Variants in ST6GAL1 observed in about 807,000 individuals in gnomAD.
ST6GAL1 encodes the protein ST6 beta-galactoside alpha-2,6-sialyltransferase 1, also known as beta-galactoside alpha-2,6-sialyltransferase 1.
In ST6GAL1, 20 loss-of-function variants were observed where a neutral mutation model predicts 38.0. The observed-to-expected ratio is 0.53, with a 90% CI of 0.37 to 0.77. The LOEUF is 0.77. Among genes scored for constraint, ST6GAL1 ranks in the 30% least tolerant of loss-of-function variants. ST6GAL1 has a pLI of 0.00. For missense variants in ST6GAL1, 432 were observed against 496.4 expected (o/e 0.87, Z 1.23); for synonymous variants, 196 against 188.2 (o/e 1.04, Z -0.34).
intron 1 of ST6GAL1, among the ~76,000 whole-genome samples, chr3:186,946,496 C>T (rs982835725): frequency 1.2e-4 from 18 of 152,192 alleles, no homozygotes; most frequent in Middle Eastern, 3.4e-3. Flanking sequence ...ATCCTCCCGC[C>T]GGCCTCCGAA....
At chr3:187,032,789 GT>G (rs1395296033) in intron 2 of ST6GAL1, among the ~76,000 whole-genome samples, 2 of 152,178 alleles carry the variant, frequency 1.3e-5, no homozygotes, top group African/African-American at 4.8e-5. Flanking sequence ...AGCCCCAAAT[GT>G]TTTGACACAG....
intron 2 of ST6GAL1, among the ~76,000 whole-genome samples, chr3:186,990,738 G>A (rs1332981081): frequency 2.7e-5 from 4 of 150,108 alleles, no homozygotes; most frequent in Admixed American, 6.6e-5. Flanking sequence ...GCTTGAACCC[G>A]GGAGGCAGAG....
intron 2 of ST6GAL1, among the ~76,000 whole-genome samples, chr3:187,017,032 T>C (rs866995012): frequency 3.3e-5 from 5 of 152,212 alleles, no homozygotes; most frequent in Non-Finnish European, 7.3e-5. Context: ...ACAGAGTTGA[T>C]GACAGTGTAG....
Position 187,026,510 on chromosome 3 carries a change from C to T in ST6GAL1, c.-182-12232C>T, listed in dbSNP as rs139409753. On this transcript the variant is annotated intron_variant, in intron 2 of 7. Coordinates refer to ENST00000169298, the MANE Select transcript of ST6GAL1 (RefSeq NM_173216.2). Reference sequence around the variant, plus strand: ...AAAATCTATCATTAAATTGTCAGCACAGCCCTGCAGAGGCAACCTTTTAAG... The same window carrying T: ...AAAATCTATCATTAAATTGTCAGCATAGCCCTGCAGAGGCAACCTTTTAAG... Among the ~76,000 whole-genome samples the T allele has an allele frequency of 3.1e-3, 470 of 152,346 alleles. 7 individuals carry two copies. The highest frequency in any genetic ancestry group is 2.1e-3 in the Non-Finnish European group (145 of 68,032).
intron 5 of ST6GAL1, among the ~76,000 whole-genome samples, chr3:187,052,271 T>A (rs976364244): frequency 6.6e-6 from 1 of 152,162 alleles, no homozygotes. Flanking sequence ...TAGCCCACTT[T>A]CTATTTGAAG....
chr3:186,990,043 G>T (rs1017688740), intron 2 of ST6GAL1, among the ~76,000 whole-genome samples: 107 of 152,256 alleles, frequency 7.0e-4, no homozygotes, highest in African/African-American at 2.3e-3. Flanking sequence ...TGGGCAAGTG[G>T]CTTAGTTCTT....
At chr3:186,995,919 T>C (rs1226814899) in intron 2 of ST6GAL1, among the ~76,000 whole-genome samples, 3 of 152,156 alleles carry the variant, frequency 2.0e-5, no homozygotes, top group African/African-American at 4.8e-5. Flanking sequence ...ATTTGAAATA[T>C]AATCTTTGGG....
chr3:186,994,515 G>C (rs758817613), intron 2 of ST6GAL1, among the ~76,000 whole-genome samples: 1 of 152,074 alleles, frequency 6.6e-6, no homozygotes, highest in Non-Finnish European at 1.5e-5. Context: ...ATTCAAAGTG[G>C]GGGGACTTTT....
rs1714967240 is a variant in ST6GAL1, at chr3:186,962,485, A to G, written c.-324-1300A>G. On this transcript the variant is annotated intron_variant, in intron 1 of 7. Coordinates refer to ENST00000169298, the MANE Select transcript of ST6GAL1 (RefSeq NM_173216.2). ...ACCTTCATTTCCACTAGAAATGGTT[A>G]CACCAGGTGAACGAGGATATGTGGG... Among the ~76,000 whole-genome samples, 5 of 152,188 alleles carry G rather than the reference A, an allele frequency of 3.3e-5. No homozygotes were observed. The South Asian group carries it at 1.0e-3, about 32-fold the overall frequency.
chr3:186,991,117 A>AGCACCTGGCTAGTTGCCTTCTTTT (rs1369778607), intron 2 of ST6GAL1, among the ~76,000 whole-genome samples: 4 of 152,184 alleles, frequency 2.6e-5, no homozygotes, highest in African/African-American at 9.7e-5. Flanking sequence ...AGAGACAGAT[A>AGCACCTGGCTAGTTGCCTTCTTTT]GCACCTGGCT....
chr3:187,075,543 C>T lies in ST6GAL1; in HGVS notation c.980-19C>T, dbSNP rs374548167. 179 of 1,612,482 alleles carry T rather than the reference C, an allele frequency of 1.1e-4. No homozygotes were observed. Among genetic ancestry groups the T allele is most frequent in the Admixed American group, 1.7e-4 (10 of 59,982 alleles). On this transcript the variant is annotated intron_variant, in intron 7 of 7. Coordinates refer to ENST00000169298, the MANE Select transcript of ST6GAL1 (RefSeq NM_173216.2). This position sits in a 1 kb window ranked among gnomAD's most constrained non-coding sequence, Gnocchi z 4.1. ...GGGGTGGGTTGTCAGGCATGACTCA[C>T]CTCTGCTCCCCTCTCCAGGTATCAT...
chr3:186,968,823 G>A (rs1178146839), intron 2 of ST6GAL1, among the ~76,000 whole-genome samples: 1 of 152,102 alleles, frequency 6.6e-6, no homozygotes, highest in Non-Finnish European at 1.5e-5. Context: ...AATGTTGTGG[G>A]GACATAAGTA....
At chr3:186,965,006 C>T (rs1000126465) in intron 2 of ST6GAL1, among the ~76,000 whole-genome samples, 3 of 152,156 alleles carry the variant, frequency 2.0e-5, no homozygotes, top group Non-Finnish European at 2.9e-5. Flanking sequence ...AAATGTTTTG[C>T]GTACAGTGAG....
intron 5 of ST6GAL1, among the ~76,000 whole-genome samples, chr3:187,060,555 C>T (rs1718878789): frequency 6.6e-6 from 1 of 152,222 alleles, no homozygotes; most frequent in Non-Finnish European, 1.5e-5. Flanking sequence ...GATGAAGACA[C>T]ATAGTTAGGA....
intron 5 of ST6GAL1, among the ~76,000 whole-genome samples, chr3:187,068,368 G>T (rs1005949251): frequency 9.2e-5 from 14 of 151,362 alleles, no homozygotes; most frequent in Non-Finnish European, 1.8e-4. Context: ...AAGAAGTGTG[G>T]TCTCTGGAGC....
At chr3:186,979,848 G>A (rs572605628) in intron 2 of ST6GAL1, among the ~76,000 whole-genome samples, 1 of 152,288 alleles carries the variant, frequency 6.6e-6, no homozygotes, top group Non-Finnish European at 1.5e-5. Flanking sequence ...ATTGCTAATT[G>A]TGTAGCACTG....
intron 5 of ST6GAL1, among the ~76,000 whole-genome samples, chr3:187,053,193 T>C (rs1718574295): frequency 2.0e-5 from 3 of 152,254 alleles, no homozygotes. Flanking sequence ...GGATTCTGGA[T>C]ATTAGCCCTT....
intron 4 of ST6GAL1, among the ~76,000 whole-genome samples, chr3:187,048,703 C>T (rs957923479): frequency 3.3e-5 from 5 of 152,126 alleles, no homozygotes; most frequent in African/African-American, 1.2e-4. Context: ...AAAACTGTGC[C>T]TGGCATAGAG....
chr3:186,943,007 G>A (rs1343799800), intron 1 of ST6GAL1, among the ~76,000 whole-genome samples: 2 of 152,174 alleles, frequency 1.3e-5, no homozygotes, highest in Non-Finnish European at 2.9e-5. Flanking sequence ...CGGGACTGCA[G>A]TGCTCATTTT....
Sources: gnomAD v4.1 joint callset for allele counts (sites outside exome capture counted in the v4.1 genomes callset) on GRCh38, gnomAD v4.1.1 for gene constraint, Gnocchi (gnomAD v3.1) non-coding constraint, MANE v1.5 for transcripts, NCBI Gene and HGNC (gene_info 2026-07-23, HGNC 2026-07-21) for gene names.